The following JPH3 variants were observed in gnomAD, a reference collection of about 807,000 sequenced individuals.
JPH3 encodes the protein junctophilin-3.
JPH3 carries 11 observed loss-of-function variants against 59.6 expected under a neutral mutation model. That is an observed-to-expected ratio of 0.18 (90% CI 0.12 to 0.31). The LOEUF is 0.31. Ranked by LOEUF, JPH3 falls within the 10% of genes least tolerant of loss-of-function variation. The pLI, the probability that JPH3 is intolerant of heterozygous loss-of-function variation, is 1.00. For synonymous variants in JPH3, 673 were observed against 483.6 expected (o/e 1.39, Z -5.14); for missense variants, 1,202 against 1,105.7 (o/e 1.09, Z -1.24).
At position 87,603,199 on chromosome 16, in the gene JPH3, G is replaced by C; in HGVS notation, c.53G>C (p.Gly18Ala). ...NFDDGGSYCG[G>A]WEDGKAHGHG... ...GACGACGGAGGGTCCTACTGTGGAG[G>C]CTGGGAGGACGGCAAGGCGCACGGC... Residue 18 changes from glycine (G) to alanine (A), a missense_variant, in exon 1 of 5, where the codon GGC becomes GCC. Gly to Ala is a moderately conservative substitution (Grantham distance 60). Transcript: ENST00000284262. 6.2e-7 allele frequency: 1 copy of C among 1,613,988 alleles called. No individual in the cohort carries two copies. The highest frequency in any genetic ancestry group is 8.5e-7 in the Non-Finnish European group (1 of 1,179,942).
intron 1 of JPH3, among the ~76,000 whole-genome samples, chr16:87,635,031 T>C (rs2031689655): frequency 6.6e-6 from 1 of 152,226 alleles, no homozygotes; most frequent in African/African-American, 2.4e-5. Context: ...GTTTCCCCTT[T>C]TCCCTCCACT....
intron 1 of JPH3, among the ~76,000 whole-genome samples, chr16:87,639,503 AT>A (rs1212593339): frequency 1.3e-5 from 2 of 152,122 alleles, no homozygotes; most frequent in Admixed American, 6.5e-5. Context: ...CATTAAGCAC[AT>A]TCACGCTGTT....
At chr16:87,612,738 G>A (rs1025676509) in intron 1 of JPH3, among the ~76,000 whole-genome samples, 2 of 152,164 alleles carry the variant, frequency 1.3e-5, no homozygotes, top group African/African-American at 2.4e-5. Context: ...ACTAGAGGCC[G>A]GGCGTGGTGG....
Position 87,644,423 on chromosome 16 carries a change from C to T in JPH3, c.548C>T (p.Pro183Leu), listed in dbSNP as rs371140958. The change falls in exon 2 of 5, where the codon CCG (proline) becomes CTG (leucine). Residue 183 changes from proline to leucine, a missense_variant. Physicochemically the swap from Pro to Leu is moderately conservative, Grantham distance 98. Transcript: ENST00000284262. ...ACGGCGCTGCATCCCGACGCCTCTC[C>T]GGCGGTGGCCGGCAGCCCGGCCGTG... ...NGTALHPDASPAVAGSPAVSR... is the reference protein window; with the variant it reads ...NGTALHPDASLAVAGSPAVSR... 289 of 1,612,020 alleles carry T rather than the reference C, an allele frequency of 1.8e-4. 3 individuals are homozygous for T. In the Admixed American group the frequency reaches 3.8e-3, roughly 21 times the overall value.
intron 1 of JPH3, among the ~76,000 whole-genome samples, chr16:87,635,561 C>T (rs1307293110): frequency 3.9e-5 from 6 of 152,184 alleles, no homozygotes; most frequent in Admixed American, 6.5e-5. Context: ...AGCGGATCTC[C>T]GAGCAGGGTC....
In JPH3 at chr16:87,680,434, G is replaced by A. The variant is rs557724390; in HGVS notation, c.1161-3708G>A. The stretch of plus-strand genomic sequence containing the variant: ...CTGGCTGTGCTCTGGCCCAGGAACC[G>A]GGCCTTTTCTTGCCTCTTGCCTCTG... On this transcript the variant is annotated intron_variant, in intron 2 of 4. Transcript: ENST00000284262. Among the ~76,000 whole-genome samples the A allele has an allele frequency of 7.9e-5, 12 of 152,356 alleles. No individual in the cohort carries two copies. In the South Asian group the frequency reaches 2.1e-3, roughly 26 times the overall value.
At chr16:87,621,108 G>C (rs1376893420) in intron 1 of JPH3, among the ~76,000 whole-genome samples, 1 of 152,194 alleles carries the variant, frequency 6.6e-6, no homozygotes, top group Non-Finnish European at 1.5e-5. Flanking sequence ...GCAGTGAGCC[G>C]AAATCGTGCC....
intron 2 of JPH3, among the ~76,000 whole-genome samples, chr16:87,676,910 G>A (rs543355109): frequency 6.6e-5 from 10 of 151,874 alleles, no homozygotes; most frequent in Admixed American, 2.6e-4. Context: ...GGTGGCGCAC[G>A]CCTGTAATCC....
intron 1 of JPH3, among the ~76,000 whole-genome samples, chr16:87,618,254 G>A (rs932491669): frequency 1.3e-5 from 2 of 152,234 alleles, no homozygotes; most frequent in African/African-American, 4.8e-5. Context: ...GAAATGCACA[G>A]GATGGAGCCT....
intron 1 of JPH3, among the ~76,000 whole-genome samples, chr16:87,612,520 C>T (rs1312269322): frequency 2.0e-5 from 3 of 152,152 alleles, no homozygotes; most frequent in Admixed American, 6.5e-5. Context: ...TCATCTGGAG[C>T]GTCTGTAGCT....
chr16:87,693,493 G>A (rs2033666841), intron 4 of JPH3: 1 of 152,314 alleles, frequency 6.6e-6, no homozygotes, highest in Non-Finnish European at 1.5e-5. Flanking sequence ...GGCCACCAGG[G>A]TGAAATCCTG....
chr16:87,636,963 G>A (rs115113360), intron 1 of JPH3, among the ~76,000 whole-genome samples: 1 of 152,188 alleles, frequency 6.6e-6, no homozygotes, highest in Non-Finnish European at 1.5e-5. Flanking sequence ...AGGTCCACAC[G>A]CTCCCCAGCA....
rs571833175 is a variant in JPH3 at position 87,665,421 on chromosome 16, C to G, written c.1161-18721C>G. ...GCTGTGACCTGCTGACCCCGGACCC[C>G]GCACTTTGCTTAGTGCTTTAGGTCT... On this transcript the variant is annotated intron_variant, in intron 2 of 4. Coordinates refer to ENST00000284262, the MANE Select transcript of JPH3 (RefSeq NM_020655.4). Among the ~76,000 whole-genome samples, 28 of 152,352 alleles carry G rather than the reference C, an allele frequency of 1.8e-4. No individual in the cohort carries two copies. The East Asian group carries it at 5.0e-3, about 27-fold the overall frequency.
chr16:87,656,632 C>T (rs751645837), intron 2 of JPH3, among the ~76,000 whole-genome samples: 2 of 152,164 alleles, frequency 1.3e-5, no homozygotes, highest in African/African-American at 4.8e-5. Flanking sequence ...GGCTTGGGTT[C>T]AAGCCTGCAG....
chr16:87,644,185 A>C (rs918367), intron 1 of JPH3, 73 bp from the exon 2 acceptor site: 799,874 of 1,464,590 alleles, frequency 0.55, 221,632 homozygotes, highest in East Asian at 0.74. Flanking sequence ...TGGCTGCTTC[A>C]ACCCTGTCCG....
intron 1 of JPH3, among the ~76,000 whole-genome samples, chr16:87,626,722 A>G (rs1443289327): frequency 6.6e-6 from 1 of 152,224 alleles, no homozygotes; most frequent in Non-Finnish European, 1.5e-5. Context: ...ATGGTTGGAG[A>G]TGCAGATGTT....
At chr16:87,636,419 G>A (rs1335544817) in intron 1 of JPH3, among the ~76,000 whole-genome samples, 1 of 152,246 alleles carries the variant, frequency 6.6e-6, no homozygotes, top group Non-Finnish European at 1.5e-5. Context: ...GTGCAGGCGT[G>A]TGCGCTCAAT....
intron 1 of JPH3, among the ~76,000 whole-genome samples, chr16:87,640,640 G>T (rs777645928): frequency 1.3e-5 from 2 of 152,046 alleles, no homozygotes; most frequent in Non-Finnish European, 2.9e-5. Context: ...TGATCTGCTC[G>T]CCTCGGCCTC....
chr16:87,688,161 C>T (rs1301079910), intron 3 of JPH3, among the ~76,000 whole-genome samples: 2 of 152,162 alleles, frequency 1.3e-5, no homozygotes, highest in Admixed American at 1.3e-4. Context: ...GGAGTGACCA[C>T]AGAGAAGCAG....
Sources: allele counts gnomAD v4.1 joint callset (sites outside exome capture counted in the v4.1 genomes callset), GRCh38; gene constraint gnomAD v4.1.1; transcripts MANE v1.5; gene names NCBI Gene and HGNC (gene_info 2026-07-23, HGNC 2026-07-21).